ELAC2: variants seen among roughly 807,000 people sequenced by gnomAD.
ELAC2 encodes the protein zinc phosphodiesterase ELAC protein 2.
A neutral mutation model predicts 105.2 loss-of-function variants in ELAC2; 92 were observed. That is an observed-to-expected ratio of 0.87 (90% CI 0.74 to 1.04). ELAC2 has a LOEUF of 1.04. Among genes scored for constraint, ELAC2 ranks in the 50% least tolerant of loss-of-function variants. ELAC2 has a pLI of 0.00. For synonymous variants in ELAC2, 468 were observed against 409.1 expected, an observed-to-expected ratio of 1.14 and a Z score of -1.74; for missense variants, 1,099 against 1,071.7, an observed-to-expected ratio of 1.03 and a Z score of -0.36.
At position 13,004,999 on chromosome 17, in the gene ELAC2, T is replaced by G; in HGVS notation, c.973A>C (p.Thr325Pro). The change falls in exon 11 of 24, where the codon ACC becomes CCC. Residue 325 changes from threonine to proline, a missense_variant. Coordinates refer to ENST00000338034, the MANE Select transcript of ELAC2 (RefSeq NM_018127.7). ...SFIQPICENA[T>P]FQRYQGKADA... Reference sequence around the variant, plus strand: ...GAGACCCCTCATTACCTCTGAAAGGTGGCATTCTCACAGATGGGTTGAATG... The same window carrying G: ...GAGACCCCTCATTACCTCTGAAAGGGGGCATTCTCACAGATGGGTTGAATG... The G allele has an allele frequency of 1.2e-6, 2 of 1,613,324 alleles. No homozygotes were observed. The highest frequency in any genetic ancestry group is 1.7e-6 in the Non-Finnish European group (2 of 1,179,284).
chr17:13,000,107 CA>C, intron 15 of ELAC2, 48 bp downstream of exon 15: 2 of 1,561,488 alleles, frequency 1.3e-6, no homozygotes, highest in Non-Finnish European at 1.8e-6. Context: ...AAAACAGCAG[CA>C]GGGGCAGAGC....
In ELAC2 at chr17:13,014,583, G is replaced by A. The variant is rs932653081; in HGVS notation, c.433-87C>T. 1.7e-5 allele frequency: 16 copies of A among 951,992 alleles called. No individual in the cohort carries two copies. In the African/African-American group the frequency reaches 2.3e-4, roughly 13 times the overall value. 59.0% of individuals were successfully genotyped at this position (951,992 alleles called of 1,614,324 possible). ...CAAGTATTTAAAAGGTTACCAATAG[G>A]TATCAACATAAAACAAAGCTTAGTA... On this transcript the variant is annotated intron_variant, in intron 4 of 23. Coordinates refer to ENST00000338034, the MANE Select transcript of ELAC2 (RefSeq NM_018127.7).
chr17:13,006,168 T>G (rs937527872), intron 8 of ELAC2, 189 bp from the exon 9 acceptor site: 1 of 643,720 alleles, frequency 1.6e-6, no homozygotes, highest in Non-Finnish European at 2.8e-6. Context: ...GTCAGGAGTT[T>G]GAGACCAGCC....
At chr17:12,993,612 AC>A in intron 23 of ELAC2, 74 bp downstream of exon 23, 1 of 1,603,786 alleles carries the variant, frequency 6.2e-7, no homozygotes, top group South Asian at 1.1e-5. Context: ...ACTCCAGCTG[AC>A]CGTCCTACTC....
At position 12,994,805 on chromosome 17, in the gene ELAC2, T is replaced by G; in HGVS notation, c.1988A>C (p.Tyr663Ser). ...LVHTSGWKVV[Y>S]SGDTMPCEAL... ...CTCGCAGGGCATGGTGTCCCCGGAA[T>G]AGACCACTTTCCAGCCAGAGGTGTG... is the stretch of plus-strand genomic sequence containing the variant. Residue 663 changes from tyrosine (Y) to serine (S), a missense_variant, in exon 21 of 24, where the codon TAT (tyrosine) becomes TCT (serine). Transcript: ENST00000338034. 6.2e-7 allele frequency: 1 copy of G among 1,614,036 alleles called. No individual in the cohort carries two copies. The highest frequency in any genetic ancestry group is 8.5e-7 in the Non-Finnish European group (1 of 1,180,028).
Position 13,017,842 on chromosome 17 carries a change from G to T in ELAC2, c.106C>A (p.Pro36Thr). The T allele has an allele frequency of 1.3e-6, 2 of 1,579,196 alleles. No individual in the cohort carries two copies. The highest frequency in any genetic ancestry group is 1.8e-5 in the Admixed American group (1 of 55,078). Residue 36 changes from proline to threonine, a missense_variant, in exon 1 of 24, where the codon CCG becomes ACG. Pro to Thr is a conservative substitution (Grantham distance 38, BLOSUM62 -1). Transcript: ENST00000338034. The stretch of plus-strand genomic sequence containing the variant: ...TCTCGCGTGCGCAGGTGCCGCAGCG[G>T]GTCCTTGCGCGGCCGCTCGCGGCGG... ...PARRERPRKDPLRHLRTREKR... is the reference protein window; with the variant it reads ...PARRERPRKDTLRHLRTREKR...
At chr17:12,995,314 G>C (rs73981605) in intron 19 of ELAC2, among the ~76,000 whole-genome samples, 1 of 152,192 alleles carries the variant, frequency 6.6e-6, no homozygotes, top group African/African-American at 2.4e-5. Context: ...GGCTCCAGCA[G>C]AGGGGACTCC....
chr17:13,000,438 C>G (rs2040723719), intron 14 of ELAC2, 164 bp from the exon 15 acceptor site: 2 of 703,880 alleles, frequency 2.8e-6, no homozygotes, highest in East Asian at 5.3e-5. Flanking sequence ...GTCTGCTCCA[C>G]CGCCTTTTGG....
rs1472003664 is a variant in ELAC2, at chr17:13,000,161, G to A, written c.1418C>T (p.Pro473Leu). ...CTCTGTGGGCTCCCACTCACCTGCT[G>A]GGGCTGGGCCGTCCTGCGCACTCCT... ...YRRSAQDGPAPAEKRSQYPEI... is the reference protein window; with the variant it reads ...YRRSAQDGPALAEKRSQYPEI... The change falls in exon 15 of 24, where the codon CCA becomes CTA. Residue 473 changes from proline to leucine, a missense_variant. Coordinates refer to ENST00000338034, the MANE Select transcript of ELAC2 (RefSeq NM_018127.7). 1.2e-6 allele frequency: 2 copies of A among 1,613,292 alleles called. No individual in the cohort carries two copies. Among genetic ancestry groups the A allele is most frequent in the Non-Finnish European group, 1.7e-6 (2 of 1,179,992 alleles).
At chr17:12,995,191 TATG>T (rs1363508325) in intron 19 of ELAC2, 129 bp from the exon 20 acceptor site, 44 of 1,004,452 alleles carry the variant, frequency 4.4e-5, no homozygotes, top group Non-Finnish European at 6.2e-6. Context: ...TCATAGTCAC[TATG>T]ATGAGGAAAC....
chr17:13,015,384 G>A (rs1168475001), intron 4 of ELAC2, among the ~76,000 whole-genome samples: 1 of 152,144 alleles, frequency 6.6e-6, no homozygotes, highest in Non-Finnish European at 1.5e-5. Flanking sequence ...GTAATAAGCT[G>A]GACTGAAAGG....
In ELAC2 at chr17:13,015,229, A is replaced by C. The variant is rs1297539722; in HGVS notation, c.432+539T>G. Among the ~76,000 whole-genome samples, 3 of 152,236 alleles carry C rather than the reference A, an allele frequency of 2.0e-5. No homozygotes were observed. The East Asian group carries it at 5.8e-4, about 29-fold the overall frequency. On this transcript the variant is annotated intron_variant, in intron 4 of 23. Transcript: ENST00000338034. ...GTAGTTTACAGGCATAGAAAACAGA[A>C]ATAAGGAAGGCCTCAATAAGAGACA...
intron 1 of ELAC2, chr17:13,017,500 G>A (rs1340370611): frequency 3.5e-6 from 4 of 1,131,742 alleles, no homozygotes; most frequent in African/African-American, 3.1e-5. Flanking sequence ...CTCAGACCCA[G>A]GCCTGAAGTT....
In ELAC2 at chr17:12,994,736, A is replaced by G. The variant is rs746212999; in HGVS notation, c.2029+28T>C. 8.6e-5 allele frequency: 138 copies of G among 1,613,654 alleles called. No individual in the cohort carries two copies. The East Asian group carries it at 2.1e-3, about 24-fold the overall frequency. On this transcript the variant is annotated intron_variant, in intron 21 of 23. Coordinates refer to ENST00000338034, the MANE Select transcript of ELAC2 (RefSeq NM_018127.7). ...GCTACACAAACCCCAGAGCAACCTCAGGGTGGCTTGCTTCTTCCTCTACTC... is the reference window on the plus strand; with the variant it reads ...GCTACACAAACCCCAGAGCAACCTCGGGGTGGCTTGCTTCTTCCTCTACTC...
At chr17:12,998,551 A>G (rs1235266772) in intron 15 of ELAC2, 43 bp from the exon 16 acceptor site, 1 of 1,549,100 alleles carries the variant, frequency 6.5e-7, no homozygotes, top group African/African-American at 1.4e-5. Context: ...CTTTGGGTCA[A>G]AAGTGAGCCA....
chr17:13,017,618 G>A, intron 1 of ELAC2, 85 bp downstream of exon 1: 2 of 1,599,254 alleles, frequency 1.3e-6, no homozygotes, highest in Non-Finnish European at 1.7e-6. Context: ...AAGCAGGGAA[G>A]CCGAAGCCCT....
At chr17:13,001,821 T>G (rs984788934) in intron 14 of ELAC2, among the ~76,000 whole-genome samples, 1 of 152,346 alleles carries the variant, frequency 6.6e-6, no homozygotes, top group South Asian at 2.1e-4. Flanking sequence ...TACTTAAGAC[T>G]GTTTAGTGAT....
At chr17:13,008,268 T>C (rs764893741) in intron 8 of ELAC2, among the ~76,000 whole-genome samples, 6 of 151,306 alleles carry the variant, frequency 4.0e-5, no homozygotes, top group Non-Finnish European at 7.4e-5. Flanking sequence ...TCCCAGCACT[T>C]TGGGAGGCCA....
At chr17:12,997,824 C>T (rs7210516) in intron 16 of ELAC2, among the ~76,000 whole-genome samples, 9,410 of 152,258 alleles carry the variant, frequency 0.062, 378 homozygotes, top group African/African-American at 0.12. Context: ...CATGTCACAA[C>T]GCATTTGACT....
Sources: allele counts gnomAD v4.1 joint callset (sites outside exome capture counted in the v4.1 genomes callset), GRCh38; gene constraint gnomAD v4.1.1; transcripts MANE v1.5; gene names NCBI Gene and HGNC (gene_info 2026-07-23, HGNC 2026-07-21).